The following DISP1 variants were observed in gnomAD, a reference collection of about 807,000 sequenced individuals.
DISP1 encodes the protein protein dispatched homolog 1.
Under a neutral mutation model 37.3 loss-of-function variants are expected in DISP1, and 30 were observed. The observed-to-expected ratio is 0.80, with a 90% CI of 0.60 to 1.09. The LOEUF is 1.09. Ranked by LOEUF, DISP1 falls within the 50% of genes least tolerant of loss-of-function variation. DISP1 has a pLI of 0.00. For synonymous variants in DISP1, 634 were observed against 690.2 expected (o/e 0.92, Z 1.28); for missense variants, 1,598 against 1,879.5 (o/e 0.85, Z 2.77).
At chr1:222,923,146 A>G (rs988584876) in intron 1 of DISP1, among the ~76,000 whole-genome samples, 144 of 152,272 alleles carry the variant, frequency 9.5e-4, no homozygotes, top group African/African-American at 3.3e-3. Context: ...AAAACTAAAT[A>G]TTTTTTGTAA....
intron 1 of DISP1, among the ~76,000 whole-genome samples, chr1:222,825,766 G>A (rs1664226864): frequency 6.6e-6 from 1 of 152,150 alleles, no homozygotes; most frequent in African/African-American, 2.4e-5. Context: ...GCCTCCCAAA[G>A]TGCTGGGATT....
chr1:222,942,682 C>T, intron 2 of DISP1, 125 bp from the exon 3 acceptor site: 1 of 1,086,014 alleles, frequency 9.2e-7, no homozygotes, highest in Middle Eastern at 2.7e-4. Flanking sequence ...GGAATTTCTA[C>T]CACTGTCTCA....
At chr1:222,979,892 T>A (rs1164179770) in intron 3 of DISP1, 1 of 188,370 alleles carries the variant, frequency 5.3e-6, no homozygotes, top group African/African-American at 2.3e-5. Flanking sequence ...TTGGTAATTA[T>A]GTTATCTGAT....
chr1:222,891,482 TACTC>T (rs1416804919), intron 1 of DISP1, among the ~76,000 whole-genome samples: 2 of 152,236 alleles, frequency 1.3e-5, no homozygotes, highest in East Asian at 1.9e-4. Flanking sequence ...AGGCTAAAAT[TACTC>T]AGGAAGAATG....
intron 1 of DISP1, among the ~76,000 whole-genome samples, chr1:222,879,504 A>G (rs1558308238): frequency 6.6e-6 from 1 of 152,190 alleles, no homozygotes; most frequent in Non-Finnish European, 1.5e-5. Flanking sequence ...AATTATATAA[A>G]GAATATTCAT....
intron 2 of DISP1, among the ~76,000 whole-genome samples, chr1:222,929,593 A>G (rs1673274309): frequency 1.3e-5 from 2 of 152,136 alleles, no homozygotes; most frequent in African/African-American, 4.8e-5. Flanking sequence ...TTTATAATTA[A>G]GAAAATTACA....
intron 1 of DISP1, among the ~76,000 whole-genome samples, chr1:222,926,118 C>T (rs1026405879): frequency 5.2e-4 from 79 of 152,154 alleles, no homozygotes; most frequent in African/African-American, 1.7e-3. Context: ...CAACCACTAA[C>T]CTACATTTTG....
chr1:222,990,030 CT>C (rs1455888483), intron 4 of DISP1, among the ~76,000 whole-genome samples: 1 of 152,106 alleles, frequency 6.6e-6, no homozygotes, highest in Admixed American at 6.5e-5. Flanking sequence ...TCTCGAACTC[CT>C]GACCTTGTGA....
chr1:222,844,636 A>G (rs958825654), intron 1 of DISP1, among the ~76,000 whole-genome samples: 1 of 152,162 alleles, frequency 6.6e-6, no homozygotes. Context: ...AAGGTATTTA[A>G]GCTTTAGTAT....
chr1:222,950,088 A>G (rs1220526414), intron 3 of DISP1, among the ~76,000 whole-genome samples: 1 of 152,222 alleles, frequency 6.6e-6, no homozygotes, highest in Non-Finnish European at 1.5e-5. Flanking sequence ...TAGAAACAAT[A>G]AATAACTCTA....
At position 223,005,015 on chromosome 1, in the gene DISP1, G is replaced by A. The variant is rs559553543; in HGVS notation, c.3618G>A (p.Glu1206=). 1.2e-6 allele frequency: 2 copies of A among 1,614,034 alleles called. No individual in the cohort carries two copies. The highest frequency in any genetic ancestry group is 1.3e-5 in the African/African-American group (1 of 74,912). ...PLASHSCTAP[E]KTTYEETHIC... ...CTTCCCACAGCTGCACTGCCCCTGAGAAGACCACTTATGAAGAGACCCACA... is the reference window on the plus strand; with the variant it reads ...CTTCCCACAGCTGCACTGCCCCTGAAAAGACCACTTATGAAGAGACCCACA... Residue 1206 remains glutamate, a synonymous_variant, in exon 9 of 9, where the codon GAG becomes GAA. Coordinates refer to ENST00000675850, the MANE Select transcript of DISP1 (RefSeq NM_001377229.1).
chr1:222,848,446 TA>T (rs139630263), intron 1 of DISP1, among the ~76,000 whole-genome samples: 30,054 of 151,972 alleles, frequency 0.2, 3,568 homozygotes, highest in Non-Finnish European at 0.26. Flanking sequence ...AGTGGCTTTT[TA>T]AAAAAAATAA....
chr1:222,885,869 T>C (rs530598137), intron 1 of DISP1, among the ~76,000 whole-genome samples: 241 of 149,202 alleles, frequency 1.6e-3, no homozygotes, highest in Admixed American at 3.5e-3. Context: ...ATCATGGGGA[T>C]ACACACACAC....
intron 1 of DISP1, among the ~76,000 whole-genome samples, chr1:222,828,289 C>T (rs1222538734): frequency 2.0e-5 from 3 of 152,132 alleles, no homozygotes; most frequent in Non-Finnish European, 4.4e-5. Context: ...CATTTTCCCC[C>T]CTTTGAACTG....
At chr1:222,866,338 G>A (rs2125335081) in intron 1 of DISP1, among the ~76,000 whole-genome samples, 1 of 151,750 alleles carries the variant, frequency 6.6e-6, no homozygotes, top group Admixed American at 6.6e-5. Flanking sequence ...TGTTGTTGTT[G>A]TTGTTGTTGT....
At chr1:222,954,681 G>A (rs1008913696) in intron 3 of DISP1, among the ~76,000 whole-genome samples, 1 of 152,026 alleles carries the variant, frequency 6.6e-6, no homozygotes, top group Non-Finnish European at 1.5e-5. Context: ...GGAGAGCTAA[G>A]AGAAAGTGTC....
chr1:222,873,511 C>G (rs930572022), intron 1 of DISP1, among the ~76,000 whole-genome samples: 2 of 152,094 alleles, frequency 1.3e-5, no homozygotes, highest in Non-Finnish European at 2.9e-5. Context: ...TTGAATTGAT[C>G]CCTTTACCAT....
intron 1 of DISP1, among the ~76,000 whole-genome samples, chr1:222,854,962 A>C (rs1668470824): frequency 6.6e-6 from 1 of 152,044 alleles, no homozygotes; most frequent in Non-Finnish European, 1.5e-5. Context: ...TTGTCCAGAG[A>C]GCTCTGGGGC....
chr1:222,836,091 G>T (rs1407654723), intron 1 of DISP1, among the ~76,000 whole-genome samples: 1 of 152,098 alleles, frequency 6.6e-6, no homozygotes, highest in Non-Finnish European at 1.5e-5. Context: ...GGAATAAGTT[G>T]TTTTATTTTC....
Sources: allele counts gnomAD v4.1 joint callset (sites outside exome capture counted in the v4.1 genomes callset), GRCh38; gene constraint gnomAD v4.1.1; transcripts MANE v1.5; gene names NCBI Gene and HGNC (gene_info 2026-07-23, HGNC 2026-07-21).